Variants in LRP1B observed in about 807,000 individuals in gnomAD.
The protein encoded by LRP1B is low-density lipoprotein receptor-related protein 1B.
LRP1B carries 217 observed loss-of-function variants against 556.6 expected under a neutral mutation model. The ratio of observed to expected loss-of-function variants is 0.39; its 90% CI spans 0.35 to 0.44. The LOEUF (loss-of-function observed/expected upper bound fraction) is 0.44, where lower values mean the gene tolerates loss of function less well. Ranked by LOEUF, LRP1B falls within the 20% of genes least tolerant of loss-of-function variation. The pLI is 1.00. For missense variants in LRP1B, 5,053 were observed against 5,620.8 expected (o/e 0.90, Z 3.23); for synonymous variants, 2,047 against 1,865.8 (o/e 1.10, Z -2.50).
intron 66 of LRP1B, among the ~76,000 whole-genome samples, chr2:140,433,821 TC>T (rs1221875530): frequency 6.7e-6 from 1 of 148,166 alleles, no homozygotes; most frequent in African/African-American, 2.5e-5. Context: ...TTATATTTCT[TC>T]TGTTTTTTTT....
Position 141,089,419 on chromosome 2 carries a change from T to C in LRP1B, c.1014-27146A>G, listed in dbSNP as rs145152165. 1.6e-4 allele frequency among the ~76,000 whole-genome samples: 25 copies of C among 152,306 alleles called. No individual in the cohort carries two copies. In the East Asian group the frequency reaches 4.4e-3, roughly 27 times the overall value. ...TATCTAGATCTGTATCGGAGAGTAATTAAAAACTTAGCAATGAAAATATAC... is the reference window on the plus strand; with the variant it reads ...TATCTAGATCTGTATCGGAGAGTAACTAAAAACTTAGCAATGAAAATATAC... On this transcript the variant is annotated intron_variant, in intron 7 of 90. Transcript: ENST00000389484.
chr2:141,637,914 G>A (rs1574174588), intron 2 of LRP1B, among the ~76,000 whole-genome samples: 1 of 152,098 alleles, frequency 6.6e-6, no homozygotes, highest in Non-Finnish European at 1.5e-5. Context: ...CAAGAGATCT[G>A]GTTGTTTAAA....
intron 1 of LRP1B, among the ~76,000 whole-genome samples, chr2:142,088,936 C>G (rs1464523275): frequency 7.1e-6 from 1 of 141,448 alleles, no homozygotes; most frequent in Non-Finnish European, 1.5e-5. Context: ...GATCGCGCCA[C>G]TGCACTCCAG....
chr2:141,529,158 G>A (rs2105188492), intron 2 of LRP1B, among the ~76,000 whole-genome samples: 1 of 152,300 alleles, frequency 6.6e-6, no homozygotes, highest in East Asian at 1.9e-4. Flanking sequence ...TCTTACCTAA[G>A]TACTGTGATA....
chr2:140,787,217 G>A (rs928762612), intron 32 of LRP1B, among the ~76,000 whole-genome samples: 5 of 152,122 alleles, frequency 3.3e-5, no homozygotes, highest in Admixed American at 1.3e-4. Flanking sequence ...CCCAGGTAAT[G>A]GGTTAATATA....
At chr2:142,064,917 T>C (rs956978035) in intron 1 of LRP1B, among the ~76,000 whole-genome samples, 3 of 151,618 alleles carry the variant, frequency 2.0e-5, no homozygotes, top group Non-Finnish European at 3.0e-5. Flanking sequence ...TCTATCTCCA[T>C]GTACCTCCAT....
intron 66 of LRP1B, among the ~76,000 whole-genome samples, chr2:140,432,833 T>A (rs1254869570): frequency 6.6e-6 from 1 of 152,218 alleles, no homozygotes; most frequent in Non-Finnish European, 1.5e-5. Context: ...AGCAAAACTG[T>A]GATTAATTGA....
intron 11 of LRP1B, among the ~76,000 whole-genome samples, chr2:141,021,727 A>T (rs555871942): frequency 2.0e-5 from 3 of 151,902 alleles, no homozygotes; most frequent in African/African-American, 2.4e-5. Flanking sequence ...TATTTTTTTC[A>T]TATGAAGCAG....
intron 84 of LRP1B, among the ~76,000 whole-genome samples, chr2:140,275,194 G>C (rs894140768): frequency 6.6e-6 from 1 of 151,980 alleles, no homozygotes; most frequent in Admixed American, 6.6e-5. Context: ...TTATGATTAG[G>C]TATAATTGAA....
intron 1 of LRP1B, among the ~76,000 whole-genome samples, chr2:141,991,804 A>G (rs1702352534): frequency 6.6e-6 from 1 of 152,078 alleles, no homozygotes; most frequent in African/African-American, 2.4e-5. Flanking sequence ...TAGTCATTCA[A>G]CAAACACTTG....
intron 7 of LRP1B, among the ~76,000 whole-genome samples, chr2:141,072,174 A>C (rs934880292): frequency 2.0e-5 from 3 of 152,100 alleles, no homozygotes; most frequent in Non-Finnish European, 4.4e-5. Flanking sequence ...TAATATCATA[A>C]GATTATACTT....
At chr2:140,737,572 A>C (rs1687987599) in intron 35 of LRP1B, among the ~76,000 whole-genome samples, 1 of 152,178 alleles carries the variant, frequency 6.6e-6, no homozygotes. Context: ...AACACTAGTT[A>C]ATTGCCTCTG....
intron 1 of LRP1B, among the ~76,000 whole-genome samples, chr2:142,085,474 A>G (rs1487965155): frequency 1.3e-5 from 2 of 152,226 alleles, no homozygotes; most frequent in South Asian, 4.1e-4. Flanking sequence ...AATACTAAAG[A>G]AAAATGTTAA....
chr2:141,414,237 C>CAA (rs775634408), intron 3 of LRP1B, among the ~76,000 whole-genome samples: 8 of 35,366 alleles, frequency 2.3e-4, no homozygotes, highest in East Asian at 1.0e-3. Context: ...GACTCTATCT[C>CAA]AAAAAAAAAA....
chr2:141,553,612 C>A (rs1474474508), intron 2 of LRP1B, among the ~76,000 whole-genome samples: 1 of 146,874 alleles, frequency 6.8e-6, no homozygotes, highest in Non-Finnish European at 1.5e-5. Context: ...CTTTAAAAAA[C>A]TATCTTTAAA....
chr2:142,028,785 A>T (rs1026500477), intron 1 of LRP1B, among the ~76,000 whole-genome samples: 5 of 151,938 alleles, frequency 3.3e-5, no homozygotes, highest in African/African-American at 1.2e-4. Context: ...CTCCTCAGCA[A>T]CATATGAGTT....
At chr2:140,293,045 T>C (rs1219573849) in intron 84 of LRP1B, among the ~76,000 whole-genome samples, 1 of 152,174 alleles carries the variant, frequency 6.6e-6, no homozygotes, top group Non-Finnish European at 1.5e-5. Context: ...GAGAATAAGC[T>C]GTACAGGTAT....
At chr2:141,162,066 G>T (rs12691595) in intron 7 of LRP1B, among the ~76,000 whole-genome samples, 8 of 151,788 alleles carry the variant, frequency 5.3e-5, no homozygotes, top group African/African-American at 1.7e-4. Flanking sequence ...ATTCCTTTCT[G>T]TTCCTAGGCA....
chr2:140,239,609 T>C (rs1012717812), intron 87 of LRP1B, 77 bp from the exon 88 acceptor site: 41 of 872,912 alleles, frequency 4.7e-5, no homozygotes, highest in Admixed American at 4.0e-4. Flanking sequence ...TACTTTATTA[T>C]ACCAAATCAC....
Sources: gnomAD v4.1 joint callset for allele counts (sites outside exome capture counted in the v4.1 genomes callset) on GRCh38, gnomAD v4.1.1 for gene constraint, MANE v1.5 for transcripts, NCBI Gene and HGNC (gene_info 2026-07-23, HGNC 2026-07-21) for gene names.